The following MITD1 variants were observed in gnomAD, a reference collection of about 807,000 sequenced individuals.
The protein encoded by MITD1 is microtubule interacting and trafficking domain containing 1.
A neutral mutation model predicts 34.9 loss-of-function variants in MITD1; 24 were observed. That is an observed-to-expected ratio of 0.69 (90% CI 0.50 to 0.97). The LOEUF (loss-of-function observed/expected upper bound fraction) is 0.97, where lower values mean the gene tolerates loss of function less well. Among genes scored for constraint, MITD1 ranks in the 50% least tolerant of loss-of-function variants. The pLI, the probability that MITD1 is intolerant of heterozygous loss-of-function variation, is 0.00. For missense variants in MITD1, 266 were observed against 294.6 expected (o/e 0.90, Z 0.71); for synonymous variants, 102 against 101.4 (o/e 1.01, Z -0.04).
exon 8 of MITD1, chr2:99,162,163 C>A: frequency 6.2e-7 from 1 of 1,613,938 alleles, no homozygotes; most frequent in East Asian, 2.2e-5. Context: ...TGGCAGAATT[C>A]TCCCTCTGTT....
chr2:99,173,871 G>T, intron 2 of MITD1, 44 bp downstream of exon 2: 1 of 1,205,106 alleles, frequency 8.3e-7, no homozygotes, highest in Non-Finnish European at 1.2e-6. Flanking sequence ...TGAATGGACA[G>T]TCACAGTTGT....
intron 1 of MITD1, among the ~76,000 whole-genome samples, chr2:99,179,556 G>A (rs2093904304): frequency 6.6e-6 from 1 of 152,096 alleles, no homozygotes; most frequent in Non-Finnish European, 1.5e-5. Flanking sequence ...GCAAGGTAGA[G>A]TTTACAGTTA....
chr2:99,176,778 G>A lies in MITD1; in HGVS notation c.152-2762C>T, dbSNP rs531060121. Among the ~76,000 whole-genome samples, 8 of 152,206 alleles carry A rather than the reference G, an allele frequency of 5.3e-5. No individual in the cohort carries two copies. In the South Asian group the frequency reaches 1.4e-3, roughly 28 times the overall value. The stretch of plus-strand genomic sequence containing the variant: ...AATTATTTTTCCAATGTGGCCCAGG[G>A]AAGCCAAAAGATTTGTTAAAACTCA... On this transcript the variant is annotated intron_variant, in intron 1 of 6. Transcript: ENST00000289359.
chr2:99,171,143 A>G (rs1331899000), intron 4 of MITD1, among the ~76,000 whole-genome samples, 200 bp downstream of exon 4: 5 of 152,250 alleles, frequency 3.3e-5, no homozygotes. Context: ...AAGTGCATTT[A>G]GCAAAGTGGC....
intron 7 of MITD1, chr2:99,162,308 C>A (rs1180042637): frequency 5.6e-6 from 9 of 1,612,820 alleles, no homozygotes; most frequent in African/African-American, 2.7e-5. Context: ...ATTTGACTTT[C>A]TTTACAACCA....
intron 2 of MITD1, chr2:99,173,625 C>A: frequency 4.2e-6 from 2 of 470,850 alleles, no homozygotes; most frequent in Non-Finnish European, 8.0e-6. Context: ...GATTTGTGAA[C>A]CCCTTAAAAA....
intron 1 of MITD1, among the ~76,000 whole-genome samples, chr2:99,174,363 AAAAGTAGC>A (rs944736377): frequency 9.6e-4 from 146 of 152,322 alleles, no homozygotes; most frequent in African/African-American, 3.4e-3. Context: ...TTGCATAATT[AAAAGTAGC>A]AAAAAATATT....
intron 5 of MITD1, among the ~76,000 whole-genome samples, chr2:99,170,016 T>G (rs2093846722): frequency 6.6e-6 from 1 of 152,190 alleles, no homozygotes; most frequent in Non-Finnish European, 1.5e-5. Flanking sequence ...TTTGCATATT[T>G]AGTTTGTGAT....
chr2:99,168,978 T>TTTTTTTTG (rs70940146), downstream of MITD1, among the ~76,000 whole-genome samples: 14 of 103,064 alleles, frequency 1.4e-4, no homozygotes, highest in Non-Finnish European at 1.7e-4. Context: ...TTTTTTTTTT[T>TTTTTTTTG]CTGATACAGG....
intron 1 of MITD1, among the ~76,000 whole-genome samples, chr2:99,176,246 A>G (rs1574833785): frequency 6.8e-6 from 1 of 146,858 alleles, no homozygotes. Context: ...GCCACCATGC[A>G]CAGCCACAAG....
intron 2 of MITD1, 196 bp from the exon 3 acceptor site, chr2:99,171,842 A>C: frequency 1.9e-6 from 1 of 538,974 alleles, no homozygotes; most frequent in South Asian, 2.6e-5. Flanking sequence ...AAGGCAAACC[A>C]CTCCATTAGT....
At chr2:99,171,880 A>AGG in intron 2 of MITD1, 3 of 452,048 alleles carry the variant, frequency 6.6e-6, no homozygotes, top group Non-Finnish European at 1.2e-5. Context: ...AGGCTAGGCA[A>AGG]GGGGGAAAAT....
At chr2:99,161,868 A>C (rs1353643471), downstream of MITD1, 2 of 1,224,986 alleles carry the variant, frequency 1.6e-6, no homozygotes, top group African/African-American at 3.1e-5. Flanking sequence ...TTAAGTTTGG[A>C]TTAAATAACC....
chr2:99,173,881 T>C, intron 2 of MITD1, 34 bp downstream of exon 2: 2 of 1,324,186 alleles, frequency 1.5e-6, no homozygotes, highest in Non-Finnish European at 2.2e-6. Flanking sequence ...GTCACAGTTG[T>C]TTATGGATGC....
chr2:99,171,478 A>G lies in MITD1; in HGVS notation c.390+32T>C, dbSNP rs772981525. The G allele has an allele frequency of 3.8e-6, 6 of 1,591,104 alleles. No homozygotes were observed. In the East Asian group the frequency reaches 1.3e-4, roughly 36 times the overall value. ...TTACTAATTTAGTACATTGAATATG[A>G]TATTTCATTATATTTTAGTATGTTC... On this transcript the variant is annotated intron_variant, in intron 3 of 6. Transcript: ENST00000289359.
chr2:99,180,395 T>C (rs2093910864), intron 1 of MITD1, among the ~76,000 whole-genome samples: 1 of 152,174 alleles, frequency 6.6e-6, no homozygotes, highest in Admixed American at 6.5e-5. Flanking sequence ...CATCATAGCA[T>C]CTCTTTCTAA....
In MITD1 at chr2:99,180,997, C is replaced by T. The variant is rs918176357; in HGVS notation, c.-16G>A. ...ACTTCGCCATAATTCTGGAAGTTCT[C>T]CTCCGCCTCAACCCAGGATGAAGTT... On this transcript the variant is annotated 5_prime_UTR_variant, in exon 1 of 7. Coordinates refer to ENST00000289359, the MANE Select transcript of MITD1 (RefSeq NM_138798.3). 4 of 1,611,014 alleles carry T rather than the reference C, an allele frequency of 2.5e-6. No homozygotes were observed. The highest frequency in any genetic ancestry group is 3.4e-6 in the Non-Finnish European group (4 of 1,178,432).
At chr2:99,166,254 A>T (rs1256334073), downstream of MITD1, among the ~76,000 whole-genome samples, 1 of 152,014 alleles carries the variant, frequency 6.6e-6, no homozygotes, top group East Asian at 1.9e-4. Context: ...TTTAAAATGT[A>T]AGAAGAATGG....
chr2:99,170,905 T>C (rs1171279469), intron 4 of MITD1: 1 of 292,262 alleles, frequency 3.4e-6, no homozygotes. Context: ...ATAGTTTTAA[T>C]CATCCAGGTG....
Sources: gnomAD v4.1 joint callset for allele counts (sites outside exome capture counted in the v4.1 genomes callset) on GRCh38, gnomAD v4.1.1 for gene constraint, MANE v1.5 for transcripts, NCBI Gene and HGNC (gene_info 2026-07-23, HGNC 2026-07-21) for gene names.